The following FBXL7 variants were observed in gnomAD, a reference collection of about 807,000 sequenced individuals.
FBXL7 encodes the protein F-box/LRR-repeat protein 7.
FBXL7 carries 12 observed loss-of-function variants against 38.3 expected under a neutral mutation model. That is an observed-to-expected ratio of 0.31 (90% CI 0.20 to 0.51). The LOEUF is 0.51. FBXL7 is among the 20% of genes least tolerant of loss of function. The pLI, the probability that FBXL7 is intolerant of heterozygous loss-of-function variation, is 0.98. For synonymous variants in FBXL7, 297 were observed against 300.9 expected (o/e 0.99, Z 0.13); for missense variants, 567 against 676.4 (o/e 0.84, Z 1.79).
chr5:15,576,021 T>C (rs6554887), intron 1 of FBXL7, among the ~76,000 whole-genome samples: 77,609 of 150,730 alleles, frequency 0.51, 20,521 homozygotes, highest in African/African-American at 0.61. Flanking sequence ...TAAGTGAGTT[T>C]AGTGATTCAT....
chr5:15,835,756 T>C (rs1421357319), intron 2 of FBXL7, among the ~76,000 whole-genome samples: 1 of 152,146 alleles, frequency 6.6e-6, no homozygotes, highest in Non-Finnish European at 1.5e-5. Context: ...TCCCAAGCAT[T>C]TCTGTTACAG....
chr5:15,699,340 C>T (rs781675214), intron 2 of FBXL7, among the ~76,000 whole-genome samples: 1 of 152,138 alleles, frequency 6.6e-6, no homozygotes, highest in Non-Finnish European at 1.5e-5. Context: ...GGGTAGCGAC[C>T]TTCCCTGCCT....
intron 2 of FBXL7, among the ~76,000 whole-genome samples, chr5:15,811,733 A>G (rs1204605072): frequency 1.3e-5 from 2 of 152,246 alleles, no homozygotes; most frequent in African/African-American, 4.8e-5. Flanking sequence ...AAACTTGAAA[A>G]AAAAGCTGAT....
chr5:15,905,063 A>G (rs960710397), intron 2 of FBXL7, among the ~76,000 whole-genome samples: 8 of 152,190 alleles, frequency 5.3e-5, no homozygotes, highest in South Asian at 2.1e-4. Context: ...ACCATAGTCA[A>G]TCACTGGATA....
chr5:15,625,173 G>A (rs1281435243), intron 2 of FBXL7, among the ~76,000 whole-genome samples: 3 of 152,180 alleles, frequency 2.0e-5, no homozygotes, highest in African/African-American at 7.2e-5. Context: ...GCAAATATTA[G>A]TATTCTAAGC....
intron 2 of FBXL7, among the ~76,000 whole-genome samples, chr5:15,746,265 G>A (rs1736011373): frequency 6.6e-6 from 1 of 152,186 alleles, no homozygotes; most frequent in South Asian, 2.1e-4. Flanking sequence ...ATGCTTTTAA[G>A]ACATCCAAGG....
At chr5:15,879,196 G>A (rs1385796889) in intron 2 of FBXL7, among the ~76,000 whole-genome samples, 1 of 152,166 alleles carries the variant, frequency 6.6e-6, no homozygotes, top group Non-Finnish European at 1.5e-5. Flanking sequence ...TAGTATGCTA[G>A]CCGATTAAAC....
In FBXL7 at chr5:15,852,098, A is replaced by G. The variant is rs186457109; in HGVS notation, c.128-75792A>G. Among the ~76,000 whole-genome samples, 6 of 152,160 alleles carry G rather than the reference A, an allele frequency of 3.9e-5. No homozygotes were observed. In the East Asian group the frequency reaches 1.2e-3, roughly 29 times the overall value. ...TGTAGGGAGCTGACATCTTGGTGAA[A>G]AGTCCTTCAGTACATGCTAGATCAT... On this transcript the variant is annotated intron_variant, in intron 2 of 3. Transcript: ENST00000504595.
intron 2 of FBXL7, among the ~76,000 whole-genome samples, chr5:15,870,061 G>A (rs1303255358): frequency 6.6e-6 from 1 of 152,124 alleles, no homozygotes; most frequent in Non-Finnish European, 1.5e-5. Context: ...AGTGATCCGC[G>A]ATTGCACCAC....
At chr5:15,899,376 A>G (rs1047393161) in intron 2 of FBXL7, among the ~76,000 whole-genome samples, 1 of 152,194 alleles carries the variant, frequency 6.6e-6, no homozygotes, top group Non-Finnish European at 1.5e-5. Context: ...CAATCATTAC[A>G]ATATTTTTAA....
At chr5:15,765,817 G>C (rs1736571539) in intron 2 of FBXL7, among the ~76,000 whole-genome samples, 1 of 152,042 alleles carries the variant, frequency 6.6e-6, no homozygotes, top group Non-Finnish European at 1.5e-5. Context: ...TCACACTGTA[G>C]TACTGAACTC....
At chr5:15,809,735 C>G (rs947706229) in intron 2 of FBXL7, among the ~76,000 whole-genome samples, 15 of 151,762 alleles carry the variant, frequency 9.9e-5, no homozygotes, top group African/African-American at 3.6e-4. Context: ...TTTAGTTAAA[C>G]AGGAAACAGA....
At chr5:15,915,153 G>T (rs1347112960) in intron 2 of FBXL7, among the ~76,000 whole-genome samples, 1 of 152,146 alleles carries the variant, frequency 6.6e-6, no homozygotes, top group Non-Finnish European at 1.5e-5. Context: ...TCTAAAAAAT[G>T]GATTTTGTTC....
intron 2 of FBXL7, among the ~76,000 whole-genome samples, chr5:15,730,911 A>C (rs1453550000): frequency 6.6e-6 from 1 of 152,190 alleles, no homozygotes; most frequent in Non-Finnish European, 1.5e-5. Flanking sequence ...TCATTACTCT[A>C]ATGTTCTATT....
In FBXL7 at chr5:15,773,713, A is replaced by G. The variant is rs1246803127; in HGVS notation, c.128-154177A>G. On this transcript the variant is annotated intron_variant, in intron 2 of 3. Transcript: ENST00000504595. ...AGAAATTATCAGTGGCCTAGATGCA[A>G]TCTACAGAATTCCATACTGGATTGC... 5.3e-5 allele frequency among the ~76,000 whole-genome samples: 8 copies of G among 152,278 alleles called. No homozygotes were observed. In the East Asian group the frequency reaches 1.5e-3, roughly 29 times the overall value.
intron 2 of FBXL7, among the ~76,000 whole-genome samples, chr5:15,771,707 C>A (rs1736731235): frequency 6.6e-6 from 1 of 151,860 alleles, no homozygotes; most frequent in African/African-American, 2.4e-5. Flanking sequence ...CTCTTTGAAC[C>A]AGACCTTCCC....
chr5:15,707,655 A>T (rs1300175255), intron 2 of FBXL7, among the ~76,000 whole-genome samples: 1 of 152,210 alleles, frequency 6.6e-6, no homozygotes, highest in African/African-American at 2.4e-5. Flanking sequence ...TACAAAACGT[A>T]TTAATTAAGC....
At chr5:15,853,271 T>A (rs529631311) in intron 2 of FBXL7, among the ~76,000 whole-genome samples, 2 of 152,200 alleles carry the variant, frequency 1.3e-5, no homozygotes, top group East Asian at 3.9e-4. Flanking sequence ...CAGGGCTGAT[T>A]CAGTGAAGTG....
intron 2 of FBXL7, among the ~76,000 whole-genome samples, chr5:15,785,033 G>A (rs1443014009): frequency 6.6e-6 from 1 of 152,060 alleles, no homozygotes; most frequent in Non-Finnish European, 1.5e-5. Flanking sequence ...CATGAATCAG[G>A]TCTATACTGC....
Sources: allele counts gnomAD v4.1 joint callset (sites outside exome capture counted in the v4.1 genomes callset), GRCh38; gene constraint gnomAD v4.1.1; transcripts MANE v1.5; gene names NCBI Gene and HGNC (gene_info 2026-07-23, HGNC 2026-07-21).